Variants in PSME4 observed in about 807,000 individuals in gnomAD.
The protein encoded by PSME4 is proteasome activator complex subunit 4.
PSME4 carries 89 observed loss-of-function variants against 253.9 expected under a neutral mutation model. The observed-to-expected ratio is 0.35, with a 90% CI of 0.30 to 0.42. PSME4 has a LOEUF of 0.42. Among genes scored for constraint, PSME4 ranks in the 10% least tolerant of loss-of-function variants. PSME4 has a pLI of 1.00. For synonymous variants in PSME4, 851 were observed against 759.2 expected, an observed-to-expected ratio of 1.12 and a Z score of -1.99; for missense variants, 2,014 against 2,195.2, an observed-to-expected ratio of 0.92 and a Z score of 1.65.
chr2:53,937,714 C>A (rs1394070171), intron 4 of PSME4, among the ~76,000 whole-genome samples, 174 bp from the exon 5 acceptor site: 1 of 152,000 alleles, frequency 6.6e-6, no homozygotes. Flanking sequence ...AATAAATGCC[C>A]CAGTTGGGTG....
intron 42 of PSME4, among the ~76,000 whole-genome samples, chr2:53,874,714 G>A (rs1406724018): frequency 6.6e-6 from 1 of 152,200 alleles, no homozygotes; most frequent in Non-Finnish European, 1.5e-5. Context: ...GATGAGTGAG[G>A]TGGGTGGATC....
chr2:53,967,066 A>T (rs1670771672), intron 1 of PSME4, among the ~76,000 whole-genome samples: 2 of 152,168 alleles, frequency 1.3e-5, no homozygotes, highest in African/African-American at 4.8e-5. Flanking sequence ...TATTTCACTC[A>T]CAGTGTCCAT....
At chr2:53,897,273 G>T (rs1326711726) in intron 31 of PSME4, among the ~76,000 whole-genome samples, 1 of 150,292 alleles carries the variant, frequency 6.7e-6, no homozygotes. Context: ...GGGTTCAAGC[G>T]ATTCTACTGC....
chr2:53,937,567 A>T, intron 4 of PSME4, 27 bp from the exon 5 acceptor site: 1 of 1,599,312 alleles, frequency 6.3e-7, no homozygotes, highest in Non-Finnish European at 8.5e-7. Flanking sequence ...GTTTTCATGT[A>T]TCTGATTATT....
intron 13 of PSME4, 77 bp from the exon 14 acceptor site, chr2:53,925,766 C>CT: frequency 7.1e-7 from 1 of 1,416,658 alleles, no homozygotes; most frequent in East Asian, 2.3e-5. Context: ...AGGTAACTCT[C>CT]TATTGTCCTA....
At chr2:53,916,019 G>C (rs1370068899) in intron 20 of PSME4, among the ~76,000 whole-genome samples, 3 of 152,108 alleles carry the variant, frequency 2.0e-5, no homozygotes, top group Non-Finnish European at 4.4e-5. Context: ...AGGTTGCAGT[G>C]AGCCAAGATA....
chr2:53,947,759 T>C (rs926769408), intron 3 of PSME4, among the ~76,000 whole-genome samples: 1 of 151,610 alleles, frequency 6.6e-6, no homozygotes, highest in Non-Finnish European at 1.5e-5. Context: ...CTCATGCCTA[T>C]AATCCCAGGA....
At chr2:53,904,794 G>C (rs901167437) in intron 26 of PSME4, among the ~76,000 whole-genome samples, 21 of 151,832 alleles carry the variant, frequency 1.4e-4, no homozygotes, top group African/African-American at 5.1e-4. Context: ...TTAGAGACCA[G>C]CCTGGCCAAC....
chr2:53,866,492 T>C (rs1037173872), intron 45 of PSME4, among the ~76,000 whole-genome samples: 20 of 152,182 alleles, frequency 1.3e-4, no homozygotes, highest in Admixed American at 1.2e-3. Flanking sequence ...CACAACAATA[T>C]TGACAGTACT....
chr2:53,938,717 T>C (rs1174617868), intron 4 of PSME4, among the ~76,000 whole-genome samples: 1 of 152,204 alleles, frequency 6.6e-6, no homozygotes, highest in Non-Finnish European at 1.5e-5. Flanking sequence ...CAGCATATTA[T>C]TAATCCTACT....
At chr2:53,911,372 T>C (rs1281792936) in intron 20 of PSME4, among the ~76,000 whole-genome samples, 1 of 152,214 alleles carries the variant, frequency 6.6e-6, no homozygotes, top group African/African-American at 2.4e-5. Flanking sequence ...TCTTAAAATT[T>C]TGTTTTCCTT....
At chr2:53,893,588 C>T (rs1680010323) in intron 35 of PSME4, 86 bp downstream of exon 35, 1 of 1,562,362 alleles carries the variant, frequency 6.4e-7, no homozygotes, top group African/African-American at 1.4e-5. Flanking sequence ...AGATGGCTAG[C>T]TTTGATCAAA....
chr2:53,879,398 A>C (rs1679277796), intron 41 of PSME4, among the ~76,000 whole-genome samples: 1 of 152,184 alleles, frequency 6.6e-6, no homozygotes, highest in Non-Finnish European at 1.5e-5. Context: ...CTTCAGAAAA[A>C]AAGCAAAAGC....
chr2:53,887,981 T>C lies in PSME4; in HGVS notation c.4397A>G (p.Tyr1466Cys). 1 of 1,609,802 alleles carries C rather than the reference T, an allele frequency of 6.2e-7. No individual in the cohort carries two copies. The highest frequency in any genetic ancestry group is 1.1e-5 in the South Asian group (1 of 90,144). Residue 1466 changes from tyrosine to cysteine, a missense_variant, in exon 39 of 47, where the codon TAT becomes TGT. Physicochemically the swap from Tyr to Cys is radical, Grantham distance 194. Coordinates refer to ENST00000404125, the MANE Select transcript of PSME4 (RefSeq NM_014614.3). ...GGSFVDACRL[Y>C]VLQGGLAQQE... is the part of the protein sequence containing the mutation. The stretch of plus-strand genomic sequence containing the variant: ...CTGGGCAAGGCCACCTTGTAGTACA[T>C]AAAGTCGACTAAAATTAAAGCATCG...
Position 53,888,785 on chromosome 2 carries a change from A to G in PSME4, c.4324T>C (p.Trp1442Arg). 6.2e-7 allele frequency: 1 copy of G among 1,612,868 alleles called. No individual in the cohort carries two copies. Among genetic ancestry groups the G allele is most frequent in the Non-Finnish European group, 8.5e-7 (1 of 1,179,080 alleles). Reference protein sequence around the residue: ...CESRDPRKLHWLFELLLESPL... With the variant: ...CESRDPRKLHRLFELLLESPL... ...GATTCCAACAGCAGTTCAAAAAGCC[A>G]GTGAAGTTTCCGGGGATCTCTGCTT... The change falls in exon 38 of 47, where the codon TGG becomes CGG. Residue 1442 changes from tryptophan to arginine, a missense_variant. Trp to Arg is a moderately radical substitution (Grantham distance 101). Around this residue, in one of 4 missense-constraint regions of PSME4, gnomAD observed 403 missense variants for 556.1 expected, o/e 0.72. Coordinates refer to ENST00000404125, the MANE Select transcript of PSME4 (RefSeq NM_014614.3).
intron 45 of PSME4, 53 bp from the exon 46 acceptor site, chr2:53,866,276 A>G (rs2104405333): frequency 6.4e-7 from 1 of 1,573,580 alleles, no homozygotes; most frequent in Non-Finnish European, 8.7e-7. Context: ...AACCAGGATC[A>G]TATGTAGGAT....
intron 34 of PSME4, 88 bp downstream of exon 34, chr2:53,894,919 A>AAAG (rs763942630): frequency 8.5e-7 from 1 of 1,176,394 alleles, no homozygotes; most frequent in Non-Finnish European, 1.2e-6. Context: ...TTAAGAAAAA[A>AAAG]AAGAAGAAGA....
At chr2:53,936,309 C>A (rs1457525466) in intron 6 of PSME4, 148 bp from the exon 7 acceptor site, 3 of 1,238,980 alleles carry the variant, frequency 2.4e-6, no homozygotes, top group Non-Finnish European at 3.1e-6. Context: ...TTTTTAAAAC[C>A]TCCAAATTTA....
intron 26 of PSME4, among the ~76,000 whole-genome samples, 153 bp from the exon 27 acceptor site, chr2:53,904,309 ATTATCT>A (rs1421779372): frequency 1.3e-5 from 2 of 152,220 alleles, no homozygotes; most frequent in Non-Finnish European, 2.9e-5. Flanking sequence ...GAAGTAAATG[ATTATCT>A]TTACTTATAT....
Sources: gnomAD v4.1 joint callset for allele counts (sites outside exome capture counted in the v4.1 genomes callset) on GRCh38, gnomAD v4.1.1 for gene constraint, gnomAD v4.1.1 regional missense constraint, MANE v1.5 for transcripts, NCBI Gene and HGNC (gene_info 2026-07-23, HGNC 2026-07-21) for gene names.